VIT: variants seen among roughly 807,000 people sequenced by gnomAD.
The protein encoded by VIT is vitrin.
A neutral mutation model predicts 78.0 loss-of-function variants in VIT; 99 were observed. That is an observed-to-expected ratio of 1.27 (90% CI 1.08 to 1.50). VIT has a LOEUF of 1.50. Ranked by LOEUF, VIT falls within the 40% of genes most tolerant of loss-of-function variation. The pLI is 0.00. For missense variants in VIT, 1,126 were observed against 875.3 expected (o/e 1.29, Z -3.61); for synonymous variants, 374 against 334.3 (o/e 1.12, Z -1.29).
At chr2:36,741,715 G>C (rs1667847001) in intron 3 of VIT, among the ~76,000 whole-genome samples, 1 of 152,064 alleles carries the variant, frequency 6.6e-6, no homozygotes, top group Non-Finnish European at 1.5e-5. Flanking sequence ...AGCATTGGGA[G>C]AGGTTTTATT....
chr2:36,760,732 CT>C (rs1382362497), intron 6 of VIT, among the ~76,000 whole-genome samples: 2 of 152,166 alleles, frequency 1.3e-5, no homozygotes, highest in Non-Finnish European at 2.9e-5. Flanking sequence ...TCCTGGCACC[CT>C]CTTGTTGGGC....
intron 3 of VIT, among the ~76,000 whole-genome samples, chr2:36,738,333 C>T (rs1000310142): frequency 2.0e-5 from 3 of 152,122 alleles, no homozygotes; most frequent in Non-Finnish European, 4.4e-5. Flanking sequence ...GATATCTGAA[C>T]AATTGTTCAA....
chr2:36,735,993 C>T (rs577504973), intron 3 of VIT, among the ~76,000 whole-genome samples: 5 of 152,160 alleles, frequency 3.3e-5, no homozygotes, highest in African/African-American at 4.8e-5. Context: ...AATAAATTAA[C>T]GGACTGTTTA....
chr2:36,806,068 A>T (rs1350735763), intron 14 of VIT, among the ~76,000 whole-genome samples: 1 of 152,124 alleles, frequency 6.6e-6, no homozygotes, highest in African/African-American at 2.4e-5. Context: ...CATCAACCTG[A>T]TAAACCAGAG....
intron 6 of VIT, among the ~76,000 whole-genome samples, chr2:36,761,842 C>T (rs763170381): frequency 1.3e-5 from 2 of 152,286 alleles, no homozygotes; most frequent in South Asian, 4.1e-4. Flanking sequence ...TGACTGTAGT[C>T]GTCTGTCCAG....
intron 4 of VIT, among the ~76,000 whole-genome samples, chr2:36,750,552 G>C (rs1558538143): frequency 6.6e-6 from 1 of 152,178 alleles, no homozygotes. Context: ...ACTAGGTGCG[G>C]TGGCTCACAC....
At chr2:36,733,842 C>T (rs1431349191) in intron 3 of VIT, among the ~76,000 whole-genome samples, 2 of 152,148 alleles carry the variant, frequency 1.3e-5, no homozygotes, top group African/African-American at 2.4e-5. Flanking sequence ...TGGTGGGGGG[C>T]AGTGGCTCTC....
At chr2:36,780,932 C>G (rs1210655125) in intron 9 of VIT, among the ~76,000 whole-genome samples, 1 of 152,130 alleles carries the variant, frequency 6.6e-6, no homozygotes, top group African/African-American at 2.4e-5. Context: ...TGTGCTGTCC[C>G]TGAGCCCCTC....
At chr2:36,759,152 T>C (rs1668957631) in intron 6 of VIT, 106 bp downstream of exon 6, 1 of 1,605,364 alleles carries the variant, frequency 6.2e-7, no homozygotes, top group Non-Finnish European at 8.5e-7. Context: ...CAAGCTCCAC[T>C]GGCTCTGGCA....
Position 36,764,583 on chromosome 2 carries a change from G to T in VIT, c.488-2511G>T, listed in dbSNP as rs3732070. Among the ~76,000 whole-genome samples the T allele has an allele frequency of 2.5e-4, 38 of 152,328 alleles. No individual in the cohort carries two copies. In the East Asian group the frequency reaches 7.3e-3, roughly 29 times the overall value. On this transcript the variant is annotated intron_variant, in intron 6 of 15. Coordinates refer to ENST00000379242, the MANE Select transcript of VIT (RefSeq NM_053276.4). ...GACACAGGCTACAGGCAAATTTAAA[G>T]GTGACCAACTTAGCAAGAAACAAGG...
intron 6 of VIT, among the ~76,000 whole-genome samples, chr2:36,764,077 T>G (rs1669280128): frequency 6.6e-6 from 1 of 152,248 alleles, no homozygotes; most frequent in Non-Finnish European, 1.5e-5. Context: ...CAGACTGGGA[T>G]GGTCAGCAGC....
intron 5 of VIT, among the ~76,000 whole-genome samples, chr2:36,758,753 G>T (rs1267798354): frequency 6.6e-6 from 1 of 152,206 alleles, no homozygotes; most frequent in Non-Finnish European, 1.5e-5. Context: ...ATGGAGAGTT[G>T]GTTGCTTCCA....
chr2:36,777,046 G>A (rs978440262), intron 9 of VIT, among the ~76,000 whole-genome samples: 36 of 145,636 alleles, frequency 2.5e-4, no homozygotes, highest in East Asian at 8.2e-4. Context: ...CCGAGATCAC[G>A]CCACTGCACT....
At chr2:36,800,780 T>A (rs1252882809) in intron 12 of VIT, among the ~76,000 whole-genome samples, 1 of 152,184 alleles carries the variant, frequency 6.6e-6, no homozygotes, top group East Asian at 1.9e-4. Flanking sequence ...ACCTTCTAGA[T>A]GAGTTTGAGT....
At chr2:36,709,209 A>G (rs565186107) in intron 1 of VIT, among the ~76,000 whole-genome samples, 21 of 152,256 alleles carry the variant, frequency 1.4e-4, no homozygotes, top group Non-Finnish European at 2.4e-4. Flanking sequence ...TAGAATGAAG[A>G]TGGAGTAAGT....
At chr2:36,720,441 C>A (rs1361099509) in intron 2 of VIT, among the ~76,000 whole-genome samples, 3 of 152,056 alleles carry the variant, frequency 2.0e-5, no homozygotes. Flanking sequence ...TATCCACACG[C>A]AGAAGAATGT....
intron 3 of VIT, among the ~76,000 whole-genome samples, chr2:36,737,739 A>C (rs995138827): frequency 1.3e-5 from 2 of 152,196 alleles, no homozygotes; most frequent in African/African-American, 4.8e-5. Flanking sequence ...CCATGGTTGT[A>C]AGATTTGGTA....
chr2:36,717,065 C>T (rs1487518784), intron 2 of VIT, among the ~76,000 whole-genome samples: 2 of 151,520 alleles, frequency 1.3e-5, no homozygotes, highest in South Asian at 2.1e-4. Context: ...TTAGTAGAGA[C>T]GGGGTTTCAC....
chr2:36,709,014 G>A (rs1029382905), intron 1 of VIT, among the ~76,000 whole-genome samples: 1 of 152,062 alleles, frequency 6.6e-6, no homozygotes, highest in Admixed American at 6.5e-5. Flanking sequence ...GCCAGGTATG[G>A]TGGTGGATGC....
Sources: gnomAD v4.1 joint callset for allele counts (sites outside exome capture counted in the v4.1 genomes callset) on GRCh38, gnomAD v4.1.1 for gene constraint, MANE v1.5 for transcripts, NCBI Gene and HGNC (gene_info 2026-07-23, HGNC 2026-07-21) for gene names.